The following ASMTL variants were observed in gnomAD, a reference collection of about 807,000 sequenced individuals.
ASMTL encodes acetylserotonin O-methyltransferase like, also known as probable bifunctional dTTP/UTP pyrophosphatase/methyltransferase protein.
ASMTL carries 57 observed loss-of-function variants against 60.3 expected under a neutral mutation model. The observed-to-expected ratio is 0.95, with a 90% CI of 0.76 to 1.18. The LOEUF (loss-of-function observed/expected upper bound fraction) is 1.18, where lower values mean the gene tolerates loss of function less well. Among genes scored for constraint, ASMTL ranks in the 50% most tolerant of loss-of-function variants. ASMTL has a pLI of 0.00. For synonymous variants in ASMTL, 419 were observed against 373.0 expected (o/e 1.12, Z -1.42); for missense variants, 981 against 852.6 (o/e 1.15, Z -1.88).
At chrX:1,452,690 C>T in intron 1 of ASMTL, 58 bp downstream of exon 1, 1 of 1,442,576 alleles carries the variant, frequency 6.9e-7, no homozygotes, top group Non-Finnish European at 9.4e-7. Flanking sequence ...TCGCTGGGCC[C>T]TCCGGGGTTC....
chrX:1,434,630 C>G (rs746376210), intron 5 of ASMTL, among the ~76,000 whole-genome samples: 2 of 151,304 alleles, frequency 1.3e-5, no homozygotes, highest in East Asian at 3.9e-4. Flanking sequence ...ATGGTGAAAC[C>G]CCGTCTCTAC....
intron 1 of ASMTL, among the ~76,000 whole-genome samples, chrX:1,445,350 G>A (rs2091210240): frequency 6.6e-6 from 1 of 152,094 alleles, no homozygotes; most frequent in South Asian, 2.1e-4. Context: ...ACATTCCTAT[G>A]TCCTCCTCTC....
In ASMTL at chrX:1,425,600, C is replaced by G. The variant is rs1283386089; in HGVS notation, c.985G>C (p.Asp329His). ...QKAADIASKVDASACGMERLL... is the reference protein window; with the variant it reads ...QKAADIASKVHASACGMERLL... ...CTCTCCATTCCACACGCAGAGGCGTCCACTTTGCTGGCAATATCCGCAGCC... is the reference window on the plus strand; with the variant it reads ...CTCTCCATTCCACACGCAGAGGCGTGCACTTTGCTGGCAATATCCGCAGCC... Residue 329 changes from aspartate to histidine, a missense_variant, in exon 8 of 13, where the codon GAC (aspartate) becomes CAC (histidine). Coordinates refer to ENST00000381317, the MANE Select transcript of ASMTL (RefSeq NM_004192.4). 29 of 1,613,710 alleles carry G rather than the reference C, an allele frequency of 1.8e-5. No individual in the cohort carries two copies. The highest frequency in any genetic ancestry group is 2.7e-5 in the African/African-American group (2 of 74,940).
intron 12 of ASMTL, chrX:1,403,692 T>G (rs2089680693): frequency 1.7e-6 from 1 of 603,246 alleles, no homozygotes; most frequent in South Asian, 2.0e-5. Context: ...GAAGGAGATT[T>G]GATCGAAAGA....
At chrX:1,417,126 CACAG>C (rs1257255163) in intron 11 of ASMTL, among the ~76,000 whole-genome samples, 9 of 151,872 alleles carry the variant, frequency 5.9e-5, no homozygotes, top group South Asian at 2.1e-4. Context: ...GACACATGCA[CACAG>C]ACACACAACC....
chrX:1,450,031 C>T (rs1246697272), intron 1 of ASMTL, among the ~76,000 whole-genome samples: 1 of 151,032 alleles, frequency 6.6e-6, no homozygotes, highest in African/African-American at 2.4e-5. Flanking sequence ...TCACCAGTAA[C>T]TATCCCCCAT....
chrX:1,425,728 T>A (rs1217840427), intron 7 of ASMTL, 41 bp from the exon 8 acceptor site: 1 of 1,594,246 alleles, frequency 6.3e-7, no homozygotes, highest in African/African-American at 1.3e-5. Flanking sequence ...AAGTCCCTTG[T>A]CCAGTACTTT....
chrX:1,426,110 A>G (rs1458661604), intron 7 of ASMTL, among the ~76,000 whole-genome samples: 1 of 151,998 alleles, frequency 6.6e-6, no homozygotes, highest in Non-Finnish European at 1.5e-5. Flanking sequence ...GGAGATGAGG[A>G]CACAGACACA....
chrX:1,430,914 CAT>C (rs1341253438), intron 6 of ASMTL, among the ~76,000 whole-genome samples: 10 of 139,846 alleles, frequency 7.2e-5, no homozygotes, highest in South Asian at 2.2e-4. Context: ...TTATATAACA[CAT>C]AATACATTAT....
Position 1,452,884 on chromosome X carries a change from A to G in ASMTL, c.-44T>C, listed in dbSNP as rs1400912318. 1 of 1,418,082 alleles carries G rather than the reference A, an allele frequency of 7.1e-7. No homozygotes were observed. Among genetic ancestry groups the G allele is most frequent in the South Asian group, 1.3e-5 (1 of 76,940 alleles). 87.8% of individuals were successfully genotyped at this position (1,418,082 alleles called of 1,614,324 possible). ...CGGGCGTCCGCACTTCTGAGCCCGG[A>G]GCCCGCGGTGCGCGCAGCGCGGCTG... On this transcript the variant is annotated 5_prime_UTR_variant, in exon 1 of 13. Coordinates refer to ENST00000381317, the MANE Select transcript of ASMTL (RefSeq NM_004192.4).
At chrX:1,453,052 C>G, upstream of ASMTL, 1 of 522,858 alleles carries the variant, frequency 1.9e-6, no homozygotes, top group Non-Finnish European at 3.2e-6. Context: ...CTCCGTCAGG[C>G]CTCGCCCAGG....
chrX:1,440,119 C>G (rs2149339803), intron 2 of ASMTL, among the ~76,000 whole-genome samples: 1 of 150,548 alleles, frequency 6.6e-6, no homozygotes, highest in East Asian at 2.0e-4. Flanking sequence ...TGGAGTCTCG[C>G]TCTGTCGCCC....
intron 3 of ASMTL, among the ~76,000 whole-genome samples, chrX:1,437,829 G>A (rs2091009673): frequency 6.6e-6 from 1 of 151,724 alleles, no homozygotes. Context: ...CCCGGGAGGC[G>A]GAGGTTGCAA....
Position 1,419,039 on chromosome X carries a change from A to T in ASMTL, c.1321T>A (p.Cys441Ser). The T allele has an allele frequency of 6.2e-7, 1 of 1,611,680 alleles. No individual in the cohort carries two copies. The highest frequency in any genetic ancestry group is 8.5e-7 in the Non-Finnish European group (1 of 1,179,714). ...AGATTGAAGGCCGTGGCCACCTGGCACGCAGTCAGCTTCGTCATGCCGTGC... is the reference window on the plus strand; with the variant it reads ...AGATTGAAGGCCGTGGCCACCTGGCTCGCAGTCAGCTTCGTCATGCCGTGC... ...AMHGMTKLTA[C>S]QVATAFNLSR... The change falls in exon 10 of 13, where the codon TGC becomes AGC. Residue 441 changes from cysteine to serine, a missense_variant. Transcript: ENST00000381317.
chrX:1,439,189 T>C, intron 2 of ASMTL, 45 bp from the exon 3 acceptor site: 3 of 1,605,720 alleles, frequency 1.9e-6, no homozygotes, highest in African/African-American at 1.3e-5. Context: ...GTGCCGTGGG[T>C]CTCACAGAGA....
chrX:1,421,126 A>AT (rs201727845), intron 9 of ASMTL, among the ~76,000 whole-genome samples: 184 of 149,242 alleles, frequency 1.2e-3, no homozygotes, highest in African/African-American at 3.2e-3. Context: ...TCCCCAGCTA[A>AT]TTTTTTTTTT....
intron 1 of ASMTL, among the ~76,000 whole-genome samples, chrX:1,451,309 TCCCCATC>T (rs1477726379): frequency 1.2e-5 from 1 of 83,774 alleles, no homozygotes; most frequent in East Asian, 4.1e-4. Context: ...ACTCTCCCCT[TCCCCATC>T]CCTAGGTGGT....
chrX:1,413,129 G>C (rs2090100039), intron 11 of ASMTL: 1 of 453,610 alleles, frequency 2.2e-6, no homozygotes, highest in Non-Finnish European at 4.0e-6. Context: ...TTGGGAGCCT[G>C]AGGTGGGCAG....
chrX:1,435,775 C>A lies in ASMTL; in HGVS notation c.274-17G>T, dbSNP rs1264134132. 1.2e-5 allele frequency: 20 copies of A among 1,611,956 alleles called. No homozygotes were observed. The highest frequency in any genetic ancestry group is 1.7e-5 in the Non-Finnish European group (20 of 1,178,508). On this transcript the variant is annotated splice_polypyrimidine_tract_variant and intron_variant, in intron 3 of 12. Coordinates refer to ENST00000381317, the MANE Select transcript of ASMTL (RefSeq NM_004192.4). Reference sequence around the variant, plus strand: ...CCCGACTGTCTGTGAGAGGAAGGGACAGAGGGAGTTGGTTCCCACCGGCTG... The same window carrying A: ...CCCGACTGTCTGTGAGAGGAAGGGAAAGAGGGAGTTGGTTCCCACCGGCTG...
Sources: allele counts gnomAD v4.1 joint callset (sites outside exome capture counted in the v4.1 genomes callset), GRCh38; gene constraint gnomAD v4.1.1; transcripts MANE v1.5; gene names NCBI Gene and HGNC (gene_info 2026-07-23, HGNC 2026-07-21).